ZNF853: variants seen among roughly 807,000 people sequenced by gnomAD.
The protein encoded by ZNF853 is zinc finger protein 853.
In ZNF853, 57 loss-of-function variants were observed where a neutral mutation model predicts 94.7. That is an observed-to-expected ratio of 0.60 (90% confidence interval 0.49 to 0.75). The LOEUF (loss-of-function observed/expected upper bound fraction) is 0.75, where lower values mean the gene tolerates loss of function less well. Among genes scored for constraint, ZNF853 ranks in the 30% least tolerant of loss-of-function variants. The pLI, the probability that ZNF853 is intolerant of heterozygous loss-of-function variation, is 0.00. For synonymous variants in ZNF853, 448 were observed against 406.3 expected, an observed-to-expected ratio of 1.10 and a Z score of -1.23; for missense variants, 785 against 868.9, an observed-to-expected ratio of 0.90 and a Z score of 1.21.
intron 2 of ZNF853, 139 bp from the exon 3 acceptor site, chr7:6,620,983 T>G: frequency 3.6e-6 from 4 of 1,109,602 alleles, no homozygotes; most frequent in Non-Finnish European, 4.8e-6. Flanking sequence ...CTATTGTTAC[T>G]CGATCCAGCA....
intron 1 of ZNF853, among the ~76,000 whole-genome samples, chr7:6,616,752 GTATT>G: frequency 6.0e-5 from 9 of 151,104 alleles, no homozygotes; most frequent in Non-Finnish European, 1.2e-4. Context: ...AAAAAAAAAA[GTATT>G]TAATAAAAAA....
In ZNF853 at chr7:6,621,880, C is replaced by T. The variant is rs1562569982; in HGVS notation, c.889C>T (p.Gln297Ter). Reference protein sequence around the residue: ...QQQQQQQLLQQQQEQLQQQQL... With the variant: ...QQQQQQQLLQ ...GCAGCAGCAACAGCAGCTGTTGCAA[C>T]AGCAGCAGGAACAATTGCAGCAGCA... Residue 297 changes from glutamine to a stop codon, truncating the protein, a stop_gained, in exon 3 of 3, where the codon CAG becomes TAG. Coordinates refer to ENST00000457543, the MANE Select transcript of ZNF853 (RefSeq NM_017560.3). LOFTEE classifies it high-confidence loss of function. The T allele has an allele frequency of 6.4e-7, 1 of 1,550,794 alleles. No individual in the cohort carries two copies. Among genetic ancestry groups the T allele is most frequent in the Non-Finnish European group, 8.7e-7 (1 of 1,146,572 alleles).
intron 2 of ZNF853, 142 bp from the exon 3 acceptor site, chr7:6,620,980 T>A: frequency 9.3e-7 from 1 of 1,075,608 alleles, no homozygotes; most frequent in Non-Finnish European, 1.3e-6. Context: ...CTGCTATTGT[T>A]ACTCGATCCA....
intron 2 of ZNF853, chr7:6,617,723 C>T: frequency 2.3e-6 from 2 of 854,256 alleles, no homozygotes; most frequent in Non-Finnish European, 2.8e-6. Flanking sequence ...CTGGCTTCTT[C>T]TCCCCTGTGG....
Position 6,622,277 on chromosome 7 carries a change from C to T in ZNF853, c.1286C>T (p.Ala429Val). Residue 429 changes from alanine to valine, a missense_variant, in exon 3 of 3, where the codon GCT becomes GTT. By Grantham distance (64) the Ala-to-Val change is moderately conservative. Coordinates refer to ENST00000457543, the MANE Select transcript of ZNF853 (RefSeq NM_017560.3). Reference sequence around the variant, plus strand: ...GGCGGCGGAGCGGCGGTCCCGGGGGCTCCGGCCGCGGTCGTGGTGGCTCCC... The same window carrying T: ...GGCGGCGGAGCGGCGGTCCCGGGGGTTCCGGCCGCGGTCGTGGTGGCTCCC... ...AGGGGAAVPG[A>V]PAAVVVAPPG... 1 of 1,503,590 alleles carries T rather than the reference C, an allele frequency of 6.7e-7. No individual in the cohort carries two copies. Among genetic ancestry groups the T allele is most frequent in the Non-Finnish European group, 8.8e-7 (1 of 1,132,546 alleles). 93.1% of individuals were successfully genotyped at this position (1,503,590 alleles called of 1,614,324 possible).
At position 6,617,293 on chromosome 7, in the gene ZNF853, C is replaced by T. The variant is rs1031431327; in HGVS notation, c.116C>T (p.Pro39Leu). ...TGTCTTGAGGATGGGGGCCCAGGGCCTGACACCCTCTCAGGTGAGGGCCTC... is the reference window on the plus strand; with the variant it reads ...TGTCTTGAGGATGGGGGCCCAGGGCTTGACACCCTCTCAGGTGAGGGCCTC... Reference protein sequence around the residue: ...LQCLEDGGPGPDTLSGGSGGS... With the variant: ...LQCLEDGGPGLDTLSGGSGGS... Residue 39 changes from proline (P) to leucine (L), a missense_variant, in exon 2 of 3, where the codon CCT becomes CTT. Physicochemically the swap from Pro to Leu is moderately conservative, Grantham distance 98. Coordinates refer to ENST00000457543, the MANE Select transcript of ZNF853 (RefSeq NM_017560.3). 22 of 1,493,130 alleles carry T rather than the reference C, an allele frequency of 1.5e-5. No homozygotes were observed. The East Asian group carries it at 2.6e-4, about 17-fold the overall frequency. 92.5% of individuals were successfully genotyped at this position (1,493,130 alleles called of 1,614,324 possible). A position where few individuals can be genotyped will look rare whatever the true frequency, so the allele number is the denominator to read the frequency against.
In ZNF853 at chr7:6,616,113, CT is replaced by C; in HGVS notation, c.-60del. On this transcript the variant is annotated 5_prime_UTR_variant, in exon 1 of 3. The change abolishes the stop of an existing upstream ORF in the 5' untranslated region. Coordinates refer to ENST00000457543, the MANE Select transcript of ZNF853 (RefSeq NM_017560.3). The stretch of plus-strand genomic sequence containing the variant: ...GAAGGAGCCGGCTGCACGCCGTGGC[CT>C]TCACCTCGCAGCCTCTGCTGACCAC... The C allele has an allele frequency of 2.0e-6, 3 of 1,519,266 alleles. No individual in the cohort carries two copies. The highest frequency in any genetic ancestry group is 2.5e-5 in the East Asian group (1 of 39,378). The allele number at this position is 1,519,266 out of a possible 1,614,324, so 94.1% of individuals were successfully genotyped here. A position where few individuals can be genotyped will look rare whatever the true frequency, so the allele number is the denominator to read the frequency against.
chr7:6,617,055 T>G, intron 1 of ZNF853, 135 bp from the exon 2 acceptor site: 1 of 608,768 alleles, frequency 1.6e-6, no homozygotes, highest in Admixed American at 3.1e-5. Flanking sequence ...GACAGTCCTA[T>G]AGTTGCAGCA....
rs1468115936 is a variant in ZNF853, at chr7:6,622,875, C to A, written c.1884C>A (p.Leu628=). Residue 628 remains leucine, a synonymous_variant, in exon 3 of 3, where the codon CTC becomes CTA. Transcript: ENST00000457543. ...QLHGAGRSRG[L]GLLRASRPAA... ...ACGGCGCGGGCCGCTCCAGGGGCCT[C>A]GGCCTGCTGCGCGCCTCGCGGCCGG... 2.2e-6 allele frequency: 3 copies of A among 1,351,968 alleles called. No homozygotes were observed. The highest frequency in any genetic ancestry group is 2.8e-6 in the Non-Finnish European group (3 of 1,056,704). 83.7% of individuals were successfully genotyped at this position (1,351,968 alleles called of 1,614,324 possible). A position where few individuals can be genotyped will look rare whatever the true frequency, so the allele number is the denominator to read the frequency against.
Position 6,616,260 on chromosome 7 carries a change from G to A in ZNF853, c.12+74G>A. ...TGAGAGAGTTTGGACTGGATGGCAC[G>A]AGTCGGCCTGTTTAGGGGAGAGGGG... On this transcript the variant is annotated intron_variant, in intron 1 of 2. Coordinates refer to ENST00000457543, the MANE Select transcript of ZNF853 (RefSeq NM_017560.3). 1.2e-4 allele frequency: 173 copies of A among 1,468,546 alleles called. 1 individual carries two copies. In the East Asian group the frequency reaches 4.3e-3, roughly 36 times the overall value. 91.0% of individuals were successfully genotyped at this position (1,468,546 alleles called of 1,614,324 possible). A position where few individuals can be genotyped will look rare whatever the true frequency, so the allele number is the denominator to read the frequency against.
Position 6,623,571 on chromosome 7 carries a change from T to A in ZNF853, c.*600T>A, listed in dbSNP as rs866278212. 7.9e-6 allele frequency: 3 copies of A among 379,786 alleles called. No individual in the cohort carries two copies. Among genetic ancestry groups the A allele is most frequent in the Non-Finnish European group, 9.3e-6 (2 of 214,792 alleles). The allele number at this position is 379,786 out of a possible 1,614,324, so 23.5% of individuals were successfully genotyped here. A position where few individuals can be genotyped will look rare whatever the true frequency, so the allele number is the denominator to read the frequency against. On this transcript the variant is annotated 3_prime_UTR_variant, in exon 3 of 3. Coordinates refer to ENST00000457543, the MANE Select transcript of ZNF853 (RefSeq NM_017560.3). Reference sequence around the variant, plus strand: ...AACGCCTGTGTTCATCAACACAGGGTCAGAGCGCTCACCGGGTCGATGTGC... The same window carrying A: ...AACGCCTGTGTTCATCAACACAGGGACAGAGCGCTCACCGGGTCGATGTGC...
At position 6,620,319 on chromosome 7, in the gene ZNF853, TGGCTGTA is replaced by T; in HGVS notation, c.131-802_131-796del. 5.3e-5 allele frequency among the ~76,000 whole-genome samples: 8 copies of T among 152,238 alleles called. No homozygotes were observed. In the East Asian group the frequency reaches 1.2e-3, roughly 22 times the overall value. On this transcript the variant is annotated intron_variant, in intron 2 of 2. Coordinates refer to ENST00000457543, the MANE Select transcript of ZNF853 (RefSeq NM_017560.3). ...AGGATAATTTCATTTATTTAAGGTG[TGGCTGTA>T]AGGTCGGAGTTCAGCATGGGGTTGA...
intron 2 of ZNF853, among the ~76,000 whole-genome samples, chr7:6,618,345 C>A: frequency 6.6e-6 from 1 of 151,750 alleles, no homozygotes; most frequent in Non-Finnish European, 1.5e-5. Flanking sequence ...TGTAAATTTA[C>A]CTGACAAAAC....
At chr7:6,617,503 C>CCCCG in intron 2 of ZNF853, 196 bp downstream of exon 2, 1 of 815,374 alleles carries the variant, frequency 1.2e-6, no homozygotes, top group Non-Finnish European at 1.5e-6. Flanking sequence ...GTGAGGGGCT[C>CCCCG]CCCGCTCCCC....
chr7:6,621,173 A>ACAGCAGTCCACAGCGGC lies in ZNF853; in HGVS notation c.191_207dup (p.Ser70HisfsTer31). 2 of 1,489,884 alleles carry ACAGCAGTCCACAGCGGC rather than the reference A, an allele frequency of 1.3e-6. No individual in the cohort carries two copies. The highest frequency in any genetic ancestry group is 2.8e-5 in the South Asian group (2 of 72,642). The allele number at this position is 1,489,884 out of a possible 1,614,324, so 92.3% of individuals were successfully genotyped here. On this transcript the variant is annotated frameshift_variant, in exon 3 of 3. Coordinates refer to ENST00000457543, the MANE Select transcript of ZNF853 (RefSeq NM_017560.3). LOFTEE classifies it high-confidence loss of function. ...GAGGAGGAAGAGCCTCAGGAGAGGA[A>ACAGCAGTCCACAGCGGC]CAGCAGTCCACAGCGGCCAGCAGTC...
Position 6,615,983 on chromosome 7 carries a change from C to G in ZNF853, c.-192C>G, listed in dbSNP as rs1455773714. On this transcript the variant is annotated 5_prime_UTR_variant, in exon 1 of 3. Coordinates refer to ENST00000457543, the MANE Select transcript of ZNF853 (RefSeq NM_017560.3). The surrounding 1 kb of genome is among the most constrained non-coding windows in gnomAD (Gnocchi z 8.5). ...CTCCTCTCAGCCCCTTCCCTTGGCCCAGGGCGACCTCGGCAGCCCAGAGGG... is the reference window on the plus strand; with the variant it reads ...CTCCTCTCAGCCCCTTCCCTTGGCCGAGGGCGACCTCGGCAGCCCAGAGGG... 8 of 527,158 alleles carry G rather than the reference C, an allele frequency of 1.5e-5. No individual in the cohort carries two copies. Among genetic ancestry groups the G allele is most frequent in the Middle Eastern group, 5.0e-4 (1 of 2,000 alleles). 32.7% of individuals were successfully genotyped at this position (527,158 alleles called of 1,614,324 possible).
chr7:6,618,954 G>A lies in ZNF853; in HGVS notation c.130+1647G>A. ...CAGTGTCTATGAAAAGCACGCTCACGGATCTGTTAGCCTAACCAAAGGTTA... is the reference window on the plus strand; with the variant it reads ...CAGTGTCTATGAAAAGCACGCTCACAGATCTGTTAGCCTAACCAAAGGTTA... On this transcript the variant is annotated intron_variant, in intron 2 of 2. Coordinates refer to ENST00000457543, the MANE Select transcript of ZNF853 (RefSeq NM_017560.3). Among the ~76,000 whole-genome samples the A allele has an allele frequency of 3.4e-3, 523 of 151,818 alleles. 14 individuals are homozygous for A. The East Asian group carries it at 0.06, about 17-fold the overall frequency.
At position 6,617,326 on chromosome 7, in the gene ZNF853, C is replaced by T; in HGVS notation, c.130+19C>T. On this transcript the variant is annotated intron_variant, in intron 2 of 2. Transcript: ENST00000457543. ...CTCTCAGGTGAGGGCCTCGGGGGAT[C>T]CCTTGACAGAGCCTCATGCCTGCCT... is the stretch of plus-strand genomic sequence containing the variant. 2 of 1,418,560 alleles carry T rather than the reference C, an allele frequency of 1.4e-6. No homozygotes were observed. Among genetic ancestry groups the T allele is most frequent in the Non-Finnish European group, 1.9e-6 (2 of 1,075,278 alleles). The allele number at this position is 1,418,560 out of a possible 1,614,324, so 87.9% of individuals were successfully genotyped here.
rs1782686169 is a variant in ZNF853, at chr7:6,623,530, G to C, written c.*559G>C. The C allele has an allele frequency of 2.5e-6, 1 of 393,526 alleles. No homozygotes were observed. The highest frequency in any genetic ancestry group is 1.4e-4 in the South Asian group (1 of 6,972). 24.4% of individuals were successfully genotyped at this position (393,526 alleles called of 1,614,324 possible). On this transcript the variant is annotated 3_prime_UTR_variant, in exon 3 of 3. Coordinates refer to ENST00000457543, the MANE Select transcript of ZNF853 (RefSeq NM_017560.3). ...CCAAGATGAAAATTCATCAGGGTGG[G>C]TATAATTCTGATGAAAACGCCTGTG... is the stretch of plus-strand genomic sequence containing the variant.
Sources: gnomAD v4.1 joint callset for allele counts (sites outside exome capture counted in the v4.1 genomes callset) on GRCh38, gnomAD v4.1.1 for gene constraint, Gnocchi (gnomAD v3.1) non-coding constraint, MANE v1.5 for transcripts, NCBI Gene and HGNC (gene_info 2026-07-23, HGNC 2026-07-21) for gene names.